The following GPHN variants were observed in gnomAD, a reference collection of about 807,000 sequenced individuals.
The protein encoded by GPHN is gephyrin.
In GPHN, 17 loss-of-function variants were observed where a neutral mutation model predicts 95.5. The ratio of observed to expected loss-of-function variants is 0.18; its 90% CI spans 0.12 to 0.27. GPHN has a LOEUF of 0.27. Ranked by LOEUF, GPHN falls within the 10% of genes least tolerant of loss-of-function variation. GPHN has a pLI of 1.00. For missense variants in GPHN, 660 were observed against 978.1 expected, an observed-to-expected ratio of 0.67 and a Z score of 4.34; for synonymous variants, 320 against 322.5, an observed-to-expected ratio of 0.99 and a Z score of 0.08.
intron 1 of GPHN, among the ~76,000 whole-genome samples, chr14:66,567,475 G>T (rs2060507749): frequency 6.6e-6 from 1 of 152,166 alleles, no homozygotes; most frequent in Non-Finnish European, 1.5e-5. Flanking sequence ...CTAGGGATTT[G>T]TTTGGATCTG....
At chr14:67,387,291 T>G in the GPHN span, 7 of 1,583,970 alleles carry the variant, frequency 4.4e-6, no homozygotes, top group South Asian at 7.0e-5. Flanking sequence ...CTGTGTCATC[T>G]GGTAGGAGGG....
chr14:67,600,926 T>A, the GPHN span, among the ~76,000 whole-genome samples: 1 of 152,216 alleles, frequency 6.6e-6, no homozygotes, highest in Non-Finnish European at 1.5e-5. Context: ...CCGATTTCTC[T>A]AAGCCAGAGT....
intron 9 of GPHN, among the ~76,000 whole-genome samples, chr14:66,970,944 CAT>C (rs1478118420): frequency 5.3e-5 from 8 of 152,190 alleles, no homozygotes; most frequent in Non-Finnish European, 1.0e-4. Flanking sequence ...ATTTCTCAAA[CAT>C]ACTGGTCTCC....
At chr14:67,693,837 GAC>G in the GPHN span, among the ~76,000 whole-genome samples, 1 of 152,094 alleles carries the variant, frequency 6.6e-6, no homozygotes, top group Admixed American at 6.5e-5. Context: ...TTTTAGTAGA[GAC>G]AGGGTTTCAC....
At chr14:66,939,202 A>G (rs2067277310) in intron 8 of GPHN, among the ~76,000 whole-genome samples, 1 of 152,184 alleles carries the variant, frequency 6.6e-6, no homozygotes, top group East Asian at 1.9e-4. Flanking sequence ...GGAATTTTAA[A>G]TCTTTGCACA....
chr14:66,678,129 GTC>G (rs2066717169), intron 1 of GPHN, among the ~76,000 whole-genome samples: 1 of 152,184 alleles, frequency 6.6e-6, no homozygotes, highest in Admixed American at 6.5e-5. Flanking sequence ...CTTGATGTCT[GTC>G]TCTCAAGATT....
At chr14:67,666,037 T>C in the GPHN span, among the ~76,000 whole-genome samples, 1 of 152,244 alleles carries the variant, frequency 6.6e-6, no homozygotes, top group Non-Finnish European at 1.5e-5. Context: ...AGTATTGTAT[T>C]ATTTTGTAAT....
chr14:67,727,013 C>A, the GPHN span: 1 of 1,613,220 alleles, frequency 6.2e-7, no homozygotes, highest in Non-Finnish European at 8.5e-7. Flanking sequence ...GCTCCTGGAG[C>A]GGCTAAAGGT....
intron 9 of GPHN, among the ~76,000 whole-genome samples, chr14:66,972,658 TAATTA>T (rs1363894424): frequency 6.6e-6 from 1 of 151,686 alleles, no homozygotes; most frequent in African/African-American, 2.4e-5. Flanking sequence ...TAATTTTAAT[TAATTA>T]AATTTAATTT....
At chr14:66,842,055 C>A (rs1229551216) in intron 4 of GPHN, among the ~76,000 whole-genome samples, 22 of 147,010 alleles carry the variant, frequency 1.5e-4, no homozygotes, top group Non-Finnish European at 2.0e-4. Context: ...TCCTTCCCCC[C>A]GCCCCCGCCC....
the GPHN span, among the ~76,000 whole-genome samples, chr14:67,726,462 A>T: frequency 6.6e-6 from 1 of 152,218 alleles, no homozygotes; most frequent in Admixed American, 6.5e-5. Flanking sequence ...TTATGCAGGC[A>T]TCTGGGCTTG....
chr14:66,669,243 A>G (rs532318320), intron 1 of GPHN, among the ~76,000 whole-genome samples: 1 of 151,904 alleles, frequency 6.6e-6, no homozygotes, highest in South Asian at 2.1e-4. Context: ...GCATGCCTGT[A>G]ATCCCAGCTA....
intron 1 of GPHN, among the ~76,000 whole-genome samples, chr14:66,621,147 T>G (rs1595274425): frequency 7.0e-6 from 1 of 142,060 alleles, no homozygotes; most frequent in South Asian, 2.2e-4. Context: ...TTTTTTTTTT[T>G]TGTATTTTTA....
At chr14:66,758,315 T>A (rs1359866687) in intron 2 of GPHN, among the ~76,000 whole-genome samples, 1 of 152,162 alleles carries the variant, frequency 6.6e-6, no homozygotes, top group Non-Finnish European at 1.5e-5. Context: ...CCTAGGCATT[T>A]GGCTGCCTCC....
At chr14:67,140,473 G>C (rs1164122250) in intron 17 of GPHN, among the ~76,000 whole-genome samples, 1 of 151,952 alleles carries the variant, frequency 6.6e-6, no homozygotes, top group Non-Finnish European at 1.5e-5. Flanking sequence ...CCCCTACAGA[G>C]ATGAATACCA....
At chr14:66,587,042 A>G (rs2061450139) in intron 1 of GPHN, among the ~76,000 whole-genome samples, 2 of 152,142 alleles carry the variant, frequency 1.3e-5, no homozygotes, top group Non-Finnish European at 2.9e-5. Flanking sequence ...AAAATAAAAA[A>G]TGAAAGAGTA....
chr14:67,532,343 C>A, the GPHN span, among the ~76,000 whole-genome samples: 3 of 152,190 alleles, frequency 2.0e-5, no homozygotes, highest in African/African-American at 7.2e-5. Context: ...TGACAGAGAG[C>A]CTGCAGGGTT....
the GPHN span, among the ~76,000 whole-genome samples, chr14:67,561,420 G>T: frequency 6.6e-6 from 1 of 152,088 alleles, no homozygotes; most frequent in Admixed American, 6.6e-5. Flanking sequence ...GCATAGTGGC[G>T]TGCACCTGTA....
the GPHN span, chr14:67,385,469 A>C: frequency 6.6e-6 from 1 of 151,278 alleles, no homozygotes; most frequent in Non-Finnish European, 1.5e-5. Context: ...AAAAATCTTG[A>C]ATCTCCCATC....
Sources: allele counts gnomAD v4.1 joint callset (sites outside exome capture counted in the v4.1 genomes callset), GRCh38; gene constraint gnomAD v4.1.1; transcripts MANE v1.5; gene names NCBI Gene and HGNC (gene_info 2026-07-23, HGNC 2026-07-21).